Variants in NCOA3 observed in about 807,000 individuals in gnomAD.
NCOA3 encodes the protein nuclear receptor coactivator 3.
In NCOA3, 51 loss-of-function variants were observed where a neutral mutation model predicts 158.8. That is an observed-to-expected ratio of 0.32 (90% CI 0.26 to 0.41). NCOA3 has a LOEUF of 0.41. Among genes scored for constraint, NCOA3 ranks in the 10% least tolerant of loss-of-function variants. The pLI, the probability that NCOA3 is intolerant of heterozygous loss-of-function variation, is 1.00. For synonymous variants in NCOA3, 537 were observed against 592.4 expected, an observed-to-expected ratio of 0.91 and a Z score of 1.36; for missense variants, 1,510 against 1,746.6, an observed-to-expected ratio of 0.86 and a Z score of 2.41.
intron 1 of NCOA3, among the ~76,000 whole-genome samples, chr20:47,530,192 A>G (rs1403973324): frequency 1.3e-5 from 2 of 152,226 alleles, no homozygotes; most frequent in Non-Finnish European, 2.9e-5. Context: ...AATTATTTTT[A>G]AAACTTCTGA....
At chr20:47,516,436 T>G (rs1266180086) in intron 1 of NCOA3, among the ~76,000 whole-genome samples, 1 of 152,190 alleles carries the variant, frequency 6.6e-6, no homozygotes, top group Non-Finnish European at 1.5e-5. Flanking sequence ...AAGAGAATTT[T>G]ATTGGAATAA....
intron 1 of NCOA3, among the ~76,000 whole-genome samples, chr20:47,552,847 A>T (rs1232104807): frequency 6.6e-6 from 1 of 152,198 alleles, no homozygotes; most frequent in Non-Finnish European, 1.5e-5. Flanking sequence ...GTGACTTTGA[A>T]ATCAGAGATG....
intron 2 of NCOA3, among the ~76,000 whole-genome samples, chr20:47,586,053 G>A (rs1243511746): frequency 6.6e-6 from 1 of 151,634 alleles, no homozygotes; most frequent in Non-Finnish European, 1.5e-5. Flanking sequence ...CTGAGTAGCT[G>A]GGATTACAGG....
At chr20:47,563,888 C>CAAAAAAAAA (rs72161837) in intron 1 of NCOA3, among the ~76,000 whole-genome samples, 1 of 58,802 alleles carries the variant, frequency 1.7e-5, no homozygotes, top group African/African-American at 6.2e-5. Flanking sequence ...GATTCTGTCT[C>CAAAAAAAAA]AAAAAAAAAA....
At chr20:47,588,722 GTTTTA>G (rs935766228) in intron 2 of NCOA3, among the ~76,000 whole-genome samples, 11 of 151,666 alleles carry the variant, frequency 7.3e-5, no homozygotes, top group African/African-American at 2.7e-4. Flanking sequence ...GTATCTGTAT[GTTTTA>G]TTTATTTATT....
intron 1 of NCOA3, among the ~76,000 whole-genome samples, chr20:47,506,656 C>T (rs1411727239): frequency 6.6e-6 from 1 of 152,172 alleles, no homozygotes; most frequent in Non-Finnish European, 1.5e-5. Flanking sequence ...GGAAAGGAGT[C>T]GGACCTGACT....
intron 2 of NCOA3, among the ~76,000 whole-genome samples, chr20:47,586,894 T>C (rs1357037304): frequency 1.3e-5 from 2 of 152,244 alleles, no homozygotes; most frequent in African/African-American, 2.4e-5. Flanking sequence ...CTGTCCCTTA[T>C]TGTGATGCAA....
rs755006930 is a variant in NCOA3 at position 47,634,181 on chromosome 20, C to T, written c.1098C>T (p.Thr366=). The T allele has an allele frequency of 5.1e-5, 83 of 1,613,762 alleles. 1 individual carries two copies. The South Asian group carries it at 8.5e-4, about 16-fold the overall frequency. ...ATGATCGACATGGCTTTGTCTCAACCCACTTCCTTCAGAGGTAATGATAGA... is the reference window on the plus strand; with the variant it reads ...ATGATCGACATGGCTTTGTCTCAACTCACTTCCTTCAGAGGTAATGATAGA... ...VTNDRHGFVS[T]HFLQREQNGY... Residue 366 remains threonine (T), a synonymous_variant, in exon 10 of 23, where the codon ACC becomes ACT. Transcript: ENST00000371998.
chr20:47,568,389 A>G (rs530507147), intron 1 of NCOA3, among the ~76,000 whole-genome samples: 1 of 152,344 alleles, frequency 6.6e-6, no homozygotes, highest in African/African-American at 2.4e-5. Context: ...GAATATTGTG[A>G]TAAAATGAGT....
At chr20:47,653,221 G>T in intron 22 of NCOA3, 149 bp downstream of exon 22, 1 of 1,212,772 alleles carries the variant, frequency 8.2e-7, no homozygotes, top group Non-Finnish European at 1.1e-6. Context: ...TGGTTTGAAG[G>T]CATTGGGCCA....
intron 2 of NCOA3, among the ~76,000 whole-genome samples, chr20:47,585,202 C>T (rs983548865): frequency 5.3e-5 from 8 of 152,040 alleles, no homozygotes; most frequent in African/African-American, 9.6e-5. Context: ...CAGGCGTGCA[C>T]GGCCACATCC....
rs1465442326 is a variant in NCOA3, at chr20:47,507,134, T to C, written c.-99+5115T>C. ...TAATCCTCAATTAGGATAAGCCTTA[T>C]GGTTAATTGAATGTTGAGTGTACAG... On this transcript the variant is annotated intron_variant, in intron 1 of 22. Transcript: ENST00000371998. Among the ~76,000 whole-genome samples, 9 of 152,330 alleles carry C rather than the reference T, an allele frequency of 5.9e-5. No homozygotes were observed. The South Asian group carries it at 1.4e-3, about 25-fold the overall frequency.
At chr20:47,619,905 C>T (rs2086207224) in intron 2 of NCOA3, among the ~76,000 whole-genome samples, 1 of 151,976 alleles carries the variant, frequency 6.6e-6, no homozygotes, top group East Asian at 2.0e-4. Flanking sequence ...ATGCGATTCT[C>T]CTGCCTCAGC....
At chr20:47,524,190 T>C (rs2084389387) in intron 1 of NCOA3, among the ~76,000 whole-genome samples, 1 of 152,122 alleles carries the variant, frequency 6.6e-6, no homozygotes. Flanking sequence ...CTAGGTGGCT[T>C]AGGAATACCA....
intron 1 of NCOA3, among the ~76,000 whole-genome samples, chr20:47,566,695 A>C (rs2085200363): frequency 6.6e-6 from 1 of 152,108 alleles, no homozygotes; most frequent in South Asian, 2.1e-4. Context: ...TATTTTTTGC[A>C]GAGACAGGTT....
chr20:47,504,803 CAAA>C (rs201464112), intron 1 of NCOA3, among the ~76,000 whole-genome samples: 1 of 120,966 alleles, frequency 8.3e-6, no homozygotes. Flanking sequence ...GACTCTGTTT[CAAA>C]AAAAAAAAAA....
chr20:47,625,592 A>AT (rs905294143), intron 5 of NCOA3, 111 bp downstream of exon 5: 4 of 751,462 alleles, frequency 5.3e-6, no homozygotes, highest in Middle Eastern at 2.4e-4. Context: ...AAAAGAAAAC[A>AT]TTTTTTTCTT....
At chr20:47,643,944 T>C (rs2086649117) in intron 17 of NCOA3, among the ~76,000 whole-genome samples, 1 of 151,858 alleles carries the variant, frequency 6.6e-6, no homozygotes, top group African/African-American at 2.4e-5. Context: ...GAACTTTTTC[T>C]CTCCGAAATT....
intron 1 of NCOA3, among the ~76,000 whole-genome samples, chr20:47,511,921 T>C (rs1230303963): frequency 1.3e-5 from 2 of 152,034 alleles, no homozygotes; most frequent in Admixed American, 1.3e-4. Flanking sequence ...GTACAATGTA[T>C]GTGATTTGAG....
Sources: gnomAD v4.1 joint callset for allele counts (sites outside exome capture counted in the v4.1 genomes callset) on GRCh38, gnomAD v4.1.1 for gene constraint, MANE v1.5 for transcripts, NCBI Gene and HGNC (gene_info 2026-07-23, HGNC 2026-07-21) for gene names.